The following FREM3 variants were observed in gnomAD, a reference collection of about 807,000 sequenced individuals.
FREM3 encodes the protein FRAS1 related extracellular matrix 3, also known as FRAS1-related extracellular matrix protein 3.
FREM3 carries 105 observed loss-of-function variants against 129.1 expected under a neutral mutation model. That is an observed-to-expected ratio of 0.81 (90% CI 0.69 to 0.96). FREM3 has a LOEUF of 0.96. Ranked by LOEUF, FREM3 falls within the 40% of genes least tolerant of loss-of-function variation. The pLI, the probability that FREM3 is intolerant of heterozygous loss-of-function variation, is 0.00. For missense variants in FREM3, 2,593 were observed against 2,666.3 expected, an observed-to-expected ratio of 0.97 and a Z score of 0.61; for synonymous variants, 1,014 against 1,044.9, an observed-to-expected ratio of 0.97 and a Z score of 0.57.
chr4:143,638,545 G>A (rs1739271623), intron 2 of FREM3, among the ~76,000 whole-genome samples: 1 of 152,076 alleles, frequency 6.6e-6, no homozygotes, highest in African/African-American at 2.4e-5. Flanking sequence ...CTCATTTTCG[G>A]ATACGATCTT....
chr4:143,629,888 T>C (rs1467854103), intron 2 of FREM3, among the ~76,000 whole-genome samples: 1 of 152,158 alleles, frequency 6.6e-6, no homozygotes, highest in Non-Finnish European at 1.5e-5. Flanking sequence ...TCCTGTGGGT[T>C]AGAGATCAAT....
At chr4:143,623,794 G>T (rs79359201) in intron 4 of FREM3, among the ~76,000 whole-genome samples, 3,430 of 152,160 alleles carry the variant, frequency 0.023, 42 homozygotes, top group Non-Finnish European at 0.035. Flanking sequence ...CCTGAAATGA[G>T]CCCTGAGGAT....
chr4:143,631,721 A>G (rs1739144313), intron 2 of FREM3, among the ~76,000 whole-genome samples: 1 of 152,164 alleles, frequency 6.6e-6, no homozygotes, highest in African/African-American at 2.4e-5. Context: ...AGAGATGGGT[A>G]GAATTCTCTT....
Position 143,698,023 on chromosome 4 carries a change from C to A in FREM3, c.2653G>T (p.Val885Phe). 2.0e-6 allele frequency: 3 copies of A among 1,537,350 alleles called. No homozygotes were observed. The highest frequency in any genetic ancestry group is 2.6e-6 in the Non-Finnish European group (3 of 1,146,950). Reference sequence around the variant, plus strand: ...GCTTGCATGAAAGATTCCCCTGGGACCATACATCTTTTAAAGTACTGCAAG... The same window carrying A: ...GCTTGCATGAAAGATTCCCCTGGGAACATACATCTTTTAAAGTACTGCAAG... Reference protein sequence around the residue: ...GHLQYFKRCMVPGESFMQADV... With the variant: ...GHLQYFKRCMFPGESFMQADV... The change falls in exon 1 of 8, where the codon GTC (valine) becomes TTC (phenylalanine). Residue 885 changes from valine to phenylalanine, a missense_variant. Physicochemically the swap from Val to Phe is conservative, Grantham distance 50. Around this residue, in one of 2 missense-constraint regions of FREM3, gnomAD observed 2,276 missense variants for 2,267.2 expected, o/e 1.00. Transcript: ENST00000329798.
intron 4 of FREM3, among the ~76,000 whole-genome samples, chr4:143,623,493 T>TTCC (rs1738989130): frequency 4.4e-5 from 3 of 68,520 alleles, no homozygotes; most frequent in Admixed American, 2.0e-4. Flanking sequence ...TGAATACTAA[T>TTCC]CCCCCCCCCC....
chr4:143,683,968 C>T lies in FREM3; in HGVS notation c.5275+9145G>A, dbSNP rs537626257. ...GTGCACAACTCCAGTGACCTGGGAA[C>T]CTCACTCCCATTCCCCACAGCAGCT... On this transcript the variant is annotated intron_variant, in intron 2 of 7. Coordinates refer to ENST00000329798, the MANE Select transcript of FREM3 (RefSeq NM_001168235.2). 1.7e-3 allele frequency among the ~76,000 whole-genome samples: 264 copies of T among 152,266 alleles called. 2 individuals are homozygous for T. Among genetic ancestry groups the T allele is most frequent in the African/African-American group, 6.1e-3 (255 of 41,548 alleles).
intron 6 of FREM3, among the ~76,000 whole-genome samples, chr4:143,588,476 G>A (rs564922020): frequency 1.2e-3 from 178 of 146,420 alleles, no homozygotes; most frequent in Non-Finnish European, 2.2e-3. Flanking sequence ...TCCCACCTAT[G>A]AGTGAGAACA....
At chr4:143,628,788 T>A (rs1486689223) in intron 2 of FREM3, among the ~76,000 whole-genome samples, 1 of 152,148 alleles carries the variant, frequency 6.6e-6, no homozygotes, top group African/African-American at 2.4e-5. Context: ...CTACAGGGCT[T>A]CAGTGAACCT....
intron 3 of FREM3, among the ~76,000 whole-genome samples, chr4:143,624,548 G>T (rs1246351301): frequency 6.6e-6 from 1 of 152,156 alleles, no homozygotes; most frequent in Non-Finnish European, 1.5e-5. Flanking sequence ...ATGGAAGGGG[G>T]ATTGACAGAA....
intron 2 of FREM3, among the ~76,000 whole-genome samples, chr4:143,677,222 C>T (rs1740152331): frequency 6.6e-6 from 1 of 152,072 alleles, no homozygotes; most frequent in Non-Finnish European, 1.5e-5. Context: ...AGAACAGAGC[C>T]CTCAGAAATA....
chr4:143,609,058 G>T (rs879917226), intron 6 of FREM3, among the ~76,000 whole-genome samples: 1 of 152,094 alleles, frequency 6.6e-6, no homozygotes, highest in Non-Finnish European at 1.5e-5. Flanking sequence ...GAGGGAAAGG[G>T]TTCCTAGAGA....
chr4:143,659,589 A>G (rs1429373049), intron 2 of FREM3, among the ~76,000 whole-genome samples: 2 of 143,430 alleles, frequency 1.4e-5, no homozygotes, highest in Non-Finnish European at 3.0e-5. Context: ...TCCTTTGGGT[A>G]TATACCCAGT....
intron 2 of FREM3, among the ~76,000 whole-genome samples, chr4:143,652,660 T>G (rs1207615779): frequency 6.6e-6 from 1 of 152,164 alleles, no homozygotes; most frequent in Non-Finnish European, 1.5e-5. Context: ...TCAGACAGAG[T>G]CTGGCTCTGT....
In FREM3 at chr4:143,696,969, G is replaced by T; in HGVS notation, c.3707C>A (p.Pro1236His). 6.5e-7 allele frequency: 1 copy of T among 1,537,760 alleles called. No individual in the cohort carries two copies. Among genetic ancestry groups the T allele is most frequent in the African/African-American group, 1.4e-5 (1 of 73,152 alleles). ...CTGCTGTATGATTCGTCCATGCCGA[G>T]GGAGGGCTGTGAGTTGAAAGTGGAG... ...NELHFQLTAL[P>H]RHGRIIQQLA... The change falls in exon 1 of 8, where the codon CCT becomes CAT. Residue 1236 changes from proline to histidine, a missense_variant. This residue lies in a region of FREM3 where 2,276 missense variants were observed against 2,267.2 expected (regional missense o/e 1.00). Coordinates refer to ENST00000329798, the MANE Select transcript of FREM3 (RefSeq NM_001168235.2).
At chr4:143,587,434 G>T (rs1360842360) in intron 6 of FREM3, among the ~76,000 whole-genome samples, 1 of 152,138 alleles carries the variant, frequency 6.6e-6, no homozygotes, top group African/African-American at 2.4e-5. Flanking sequence ...GGGTGGTAGG[G>T]TCATTCTTTC....
intron 2 of FREM3, among the ~76,000 whole-genome samples, chr4:143,683,575 G>A (rs976032752): frequency 6.6e-6 from 1 of 151,864 alleles, no homozygotes; most frequent in African/African-American, 2.4e-5. Context: ...GGGATCCAAC[G>A]GGAGAGGAGC....
At chr4:143,658,492 T>C (rs558684919) in intron 2 of FREM3, among the ~76,000 whole-genome samples, 9 of 152,296 alleles carry the variant, frequency 5.9e-5, no homozygotes, top group African/African-American at 2.2e-4. Flanking sequence ...ATTTATGGTG[T>C]TTTGTTACAG....
At chr4:143,603,052 T>G (rs144402280) in intron 6 of FREM3, among the ~76,000 whole-genome samples, 8 of 152,174 alleles carry the variant, frequency 5.3e-5, no homozygotes, top group African/African-American at 1.9e-4. Context: ...AAGGAGAGAA[T>G]CTATTAACCA....
chr4:143,609,157 C>T (rs1248513910), intron 6 of FREM3, among the ~76,000 whole-genome samples: 6 of 152,132 alleles, frequency 3.9e-5, no homozygotes, highest in African/African-American at 1.2e-4. Context: ...GAGTGTGTCT[C>T]AGGCTTAGAA....
Sources: gnomAD v4.1 joint callset for allele counts (sites outside exome capture counted in the v4.1 genomes callset) on GRCh38, gnomAD v4.1.1 for gene constraint, gnomAD v4.1.1 regional missense constraint, MANE v1.5 for transcripts, NCBI Gene and HGNC (gene_info 2026-07-23, HGNC 2026-07-21) for gene names.